Variants in RFX3 observed in about 807,000 individuals in gnomAD.
RFX3 encodes the protein transcription factor RFX3.
Under a neutral mutation model 98.6 loss-of-function variants are expected in RFX3, and 14 were observed. That is an observed-to-expected ratio of 0.14 (90% CI 0.09 to 0.22). The LOEUF is 0.22. RFX3 is among the 10% of genes least tolerant of loss of function. The pLI is 1.00. For missense variants in RFX3, 639 were observed against 926.9 expected, an observed-to-expected ratio of 0.69 and a Z score of 4.03; for synonymous variants, 383 against 328.4, an observed-to-expected ratio of 1.17 and a Z score of -1.80.
rs200540946 is a variant in RFX3, at chr9:3,515,052, T to C, written c.-9+10695A>G. Among the ~76,000 whole-genome samples the C allele has an allele frequency of 3.9e-5, 6 of 152,330 alleles. No individual in the cohort carries two copies. The East Asian group carries it at 1.2e-3, about 29-fold the overall frequency. ...TGACAGATTTTACTCTTTGGTTATTTAAAATAGCATAAATAGTATCAGGGG... is the reference window on the plus strand; with the variant it reads ...TGACAGATTTTACTCTTTGGTTATTCAAAATAGCATAAATAGTATCAGGGG... On this transcript the variant is annotated intron_variant, in intron 1 of 16. Coordinates refer to ENST00000617270, the MANE Select transcript of RFX3 (RefSeq NM_001282116.2).
intron 2 of RFX3, among the ~76,000 whole-genome samples, chr9:3,352,120 G>A (rs1385965853): frequency 6.6e-6 from 1 of 151,930 alleles, no homozygotes; most frequent in Non-Finnish European, 1.5e-5. Context: ...TTTTAGGCAA[G>A]ATTGCCAATA....
chr9:3,472,103 GC>G (rs1848831582), intron 1 of RFX3, among the ~76,000 whole-genome samples: 1 of 152,128 alleles, frequency 6.6e-6, no homozygotes, highest in African/African-American at 2.4e-5. Flanking sequence ...ATAATCTTAG[GC>G]CATCTGGTTC....
chr9:3,277,206 T>C (rs745749150), intron 8 of RFX3, 134 bp downstream of exon 8: 6 of 768,738 alleles, frequency 7.8e-6, no homozygotes, highest in Non-Finnish European at 1.3e-5. Flanking sequence ...CTGTTATACA[T>C]ATGATGTGCA....
chr9:3,421,531 T>A (rs901428173), intron 1 of RFX3, among the ~76,000 whole-genome samples: 2 of 152,232 alleles, frequency 1.3e-5, no homozygotes, highest in African/African-American at 2.4e-5. Flanking sequence ...TTAAAGCAAA[T>A]ACTCTATCTA....
chr9:3,290,682 G>C (rs1827223972), intron 6 of RFX3, among the ~76,000 whole-genome samples: 1 of 152,150 alleles, frequency 6.6e-6, no homozygotes, highest in African/African-American at 2.4e-5. Context: ...ATCTTTTGAA[G>C]TACAGAAAGA....
chr9:3,489,987 T>C (rs993725583), intron 1 of RFX3, among the ~76,000 whole-genome samples: 2 of 152,180 alleles, frequency 1.3e-5, no homozygotes, highest in Non-Finnish European at 2.9e-5. Context: ...TTCTGGTTTT[T>C]ACAGCACCAC....
chr9:3,296,518 G>GT (rs1828012213), intron 5 of RFX3, among the ~76,000 whole-genome samples: 1 of 151,736 alleles, frequency 6.6e-6, no homozygotes, highest in African/African-American at 2.4e-5. Flanking sequence ...TTCTAAACTA[G>GT]TTCAAAAAAT....
At chr9:3,344,068 T>C (rs553572313) in intron 3 of RFX3, among the ~76,000 whole-genome samples, 10 of 152,340 alleles carry the variant, frequency 6.6e-5, no homozygotes, top group South Asian at 6.2e-4. Flanking sequence ...TTACCTATTA[T>C]GTGGAAGACC....
intron 15 of RFX3, 25 bp downstream of exon 15, chr9:3,248,007 T>A: frequency 4.3e-6 from 7 of 1,614,028 alleles, no homozygotes; most frequent in Non-Finnish European, 5.9e-6. Flanking sequence ...ACCCAGTGGG[T>A]CACAGCTCTT....
rs62526365 is a variant in RFX3 at position 3,268,103 on chromosome 9, A to G, written c.1358-1798T>C. On this transcript the variant is annotated intron_variant, in intron 11 of 16. Transcript: ENST00000617270. ...TGGGCCACCTCTGGTTATACTTCCA[A>G]TTGTACATTTAAGTGTTACCCATTG... is the stretch of plus-strand genomic sequence containing the variant. 8.5e-3 allele frequency among the ~76,000 whole-genome samples: 1,288 copies of G among 151,928 alleles called. 12 individuals carry two copies. Among genetic ancestry groups the G allele is most frequent in the Non-Finnish European group, 0.013 (901 of 67,810 alleles).
At chr9:3,287,770 A>G (rs1294536533) in intron 7 of RFX3, among the ~76,000 whole-genome samples, 1 of 151,990 alleles carries the variant, frequency 6.6e-6, no homozygotes, top group Non-Finnish European at 1.5e-5. Context: ...TGTGTCAAAA[A>G]GAATGACTTG....
chr9:3,472,640 A>G lies in RFX3; in HGVS notation c.-9+53107T>C, dbSNP rs3824353. ...GAGCCTATCCCTAACAAAAACTTCAATCTATCGTAAGGATTTAAGCAACAT... is the reference window on the plus strand; with the variant it reads ...GAGCCTATCCCTAACAAAAACTTCAGTCTATCGTAAGGATTTAAGCAACAT... On this transcript the variant is annotated intron_variant, in intron 1 of 16. Transcript: ENST00000617270. 1.6e-4 allele frequency among the ~76,000 whole-genome samples: 24 copies of G among 152,316 alleles called. No homozygotes were observed. In the East Asian group the frequency reaches 4.4e-3, roughly 28 times the overall value.
intron 4 of RFX3, among the ~76,000 whole-genome samples, chr9:3,304,860 T>C (rs1431958234): frequency 6.6e-6 from 1 of 151,950 alleles, no homozygotes; most frequent in Non-Finnish European, 1.5e-5. Flanking sequence ...CAAGACTACT[T>C]GTAACAAAAA....
chr9:3,267,530 T>C (rs570663296), intron 11 of RFX3, among the ~76,000 whole-genome samples: 4 of 152,034 alleles, frequency 2.6e-5, no homozygotes, highest in East Asian at 1.9e-4. Flanking sequence ...GACAACTAAA[T>C]GTGTTTTTAA....
chr9:3,300,640 A>T (rs1828540254), intron 5 of RFX3, among the ~76,000 whole-genome samples: 1 of 151,880 alleles, frequency 6.6e-6, no homozygotes, highest in Non-Finnish European at 1.5e-5. Flanking sequence ...TTATCCCTAA[A>T]TTTAAGAACA....
intron 1 of RFX3, among the ~76,000 whole-genome samples, chr9:3,459,385 C>G (rs1402849667): frequency 6.6e-6 from 1 of 152,114 alleles, no homozygotes; most frequent in South Asian, 2.1e-4. Context: ...CCAATCACAT[C>G]TGTGAAAAGT....
chr9:3,394,645 T>A lies in RFX3; in HGVS notation c.117+827A>T, dbSNP rs1036621600. ...CTTCATCATCTATAACCCATCTATA[T>A]CCTTCTCCCTAACCACTTATTTATA... On this transcript the variant is annotated intron_variant, in intron 2 of 16. Transcript: ENST00000617270. The A allele has an allele frequency of 1.9e-5, 3 of 161,506 alleles. No individual in the cohort carries two copies. The Admixed American group carries it at 2.0e-4, about 11-fold the overall frequency. 10.0% of individuals were successfully genotyped at this position (161,506 alleles called of 1,614,324 possible).
intron 1 of RFX3, among the ~76,000 whole-genome samples, chr9:3,396,083 C>T (rs917779667): frequency 1.3e-5 from 2 of 151,310 alleles, no homozygotes; most frequent in African/African-American, 2.4e-5. Context: ...TACATGTGCA[C>T]AATGTGCAGG....
chr9:3,336,402 AG>A (rs1258483010), intron 3 of RFX3, among the ~76,000 whole-genome samples: 3 of 152,072 alleles, frequency 2.0e-5, no homozygotes, highest in Non-Finnish European at 4.4e-5. Flanking sequence ...TTCCTATGAA[AG>A]CAAAAAAAAA....
Sources: allele counts gnomAD v4.1 joint callset (sites outside exome capture counted in the v4.1 genomes callset), GRCh38; gene constraint gnomAD v4.1.1; transcripts MANE v1.5; gene names NCBI Gene and HGNC (gene_info 2026-07-23, HGNC 2026-07-21).